FAM168A: variants seen among roughly 807,000 people sequenced by gnomAD.
FAM168A encodes the protein family with sequence similarity 168 member A, also known as protein FAM168A.
FAM168A carries 3 observed loss-of-function variants against 28.5 expected under a neutral mutation model. That is an observed-to-expected ratio of 0.11 (90% confidence interval 0.05 to 0.27). The LOEUF is 0.27. Ranked by LOEUF, FAM168A falls within the 10% of genes least tolerant of loss-of-function variation. The pLI, the probability that FAM168A is intolerant of heterozygous loss-of-function variation, is 1.00. For missense variants in FAM168A, 222 were observed against 311.5 expected (o/e 0.71, Z 2.16); for synonymous variants, 122 against 124.2 (o/e 0.98, Z 0.12).
At position 73,581,468 on chromosome 11, in the gene FAM168A, A is replaced by T. The variant is rs146780135; in HGVS notation, c.-19+16455T>A. On this transcript the variant is annotated intron_variant, in intron 1 of 7. Coordinates refer to ENST00000356467, the MANE Select transcript of FAM168A (RefSeq NM_015159.3). ...ATAGATATGACTGTCCCCACTTTACATGGGAAAAAACTGAGATTCACAGAG... is the reference window on the plus strand; with the variant it reads ...ATAGATATGACTGTCCCCACTTTACTTGGGAAAAAACTGAGATTCACAGAG... Among the ~76,000 whole-genome samples, 330 of 152,336 alleles carry T rather than the reference A, an allele frequency of 2.2e-3. 1 individual carries two copies. The highest frequency in any genetic ancestry group is 0.01 in the South Asian group (50 of 4,834).
At chr11:73,427,445 C>CT (rs1258494110) in intron 3 of FAM168A, among the ~76,000 whole-genome samples, 5 of 152,182 alleles carry the variant, frequency 3.3e-5, no homozygotes, top group Non-Finnish European at 7.3e-5. Context: ...CTCCTCCTAT[C>CT]TGCACTCCTT....
intron 1 of FAM168A, among the ~76,000 whole-genome samples, chr11:73,580,971 G>T (rs1195727332): frequency 6.6e-6 from 1 of 152,238 alleles, no homozygotes; most frequent in Non-Finnish European, 1.5e-5. Context: ...GGACTTTCCA[G>T]TGATGCCACT....
At chr11:73,483,196 TA>T (rs1383441554) in intron 1 of FAM168A, among the ~76,000 whole-genome samples, 11 of 152,166 alleles carry the variant, frequency 7.2e-5, no homozygotes, top group African/African-American at 2.4e-5. Context: ...GTAAACACGA[TA>T]AATTGTGGTT....
chr11:73,570,128 T>A (rs1276686272), intron 1 of FAM168A, among the ~76,000 whole-genome samples: 1 of 152,236 alleles, frequency 6.6e-6, no homozygotes, highest in Non-Finnish European at 1.5e-5. Flanking sequence ...AAGCTGTTTC[T>A]GAGAAAATAT....
chr11:73,546,642 G>A (rs1389808998), intron 1 of FAM168A, among the ~76,000 whole-genome samples: 1 of 151,064 alleles, frequency 6.6e-6, no homozygotes, highest in Non-Finnish European at 1.5e-5. Flanking sequence ...TGAGGCAGGA[G>A]AATTGCTTGA....
chr11:73,410,952 C>T (rs1412242684), intron 5 of FAM168A, among the ~76,000 whole-genome samples: 1 of 152,206 alleles, frequency 6.6e-6, no homozygotes, highest in African/African-American at 2.4e-5. Flanking sequence ...GGCCTGTGTA[C>T]TTTCCTCCTC....
At chr11:73,552,848 TCGG>T (rs1943845011) in intron 1 of FAM168A, among the ~76,000 whole-genome samples, 2 of 152,026 alleles carry the variant, frequency 1.3e-5, no homozygotes, top group Admixed American at 1.3e-4. Context: ...TCCCAGCTAC[TCGG>T]GAGACTGAGG....
Position 73,402,924 on chromosome 11 carries a change from A to C in FAM168A, c.*3839T>G, listed in dbSNP as rs749200461. On this transcript the variant is annotated 3_prime_UTR_variant, in exon 8 of 8. Coordinates refer to ENST00000356467, the MANE Select transcript of FAM168A (RefSeq NM_015159.3). ...CAGAGACTGGGCTTCCCAGCTCTAT[A>C]AAGTACAGTTAGCCCCTCCCTCCAT... 6.6e-6 allele frequency: 1 copy of C among 152,222 alleles called. No individual in the cohort carries two copies. Among genetic ancestry groups the C allele is most frequent in the Non-Finnish European group, 1.5e-5 (1 of 68,074 alleles). 9.4% of individuals were successfully genotyped at this position (152,222 alleles called of 1,614,324 possible).
chr11:73,559,212 G>A (rs1275820566), intron 1 of FAM168A, among the ~76,000 whole-genome samples: 8 of 152,028 alleles, frequency 5.3e-5, no homozygotes, highest in East Asian at 1.9e-4. Flanking sequence ...GTTCGAGACC[G>A]GCCTGGCCAA....
chr11:73,577,409 GTTAT>G (rs2134729599), intron 1 of FAM168A, among the ~76,000 whole-genome samples: 2 of 152,228 alleles, frequency 1.3e-5, no homozygotes, highest in East Asian at 1.9e-4. Flanking sequence ...TTTATCTGTT[GTTAT>G]TTATTTTTGC....
rs568164935 is a variant in FAM168A, at chr11:73,549,842, T to C, written c.-19+48081A>G. 3.9e-4 allele frequency among the ~76,000 whole-genome samples: 60 copies of C among 152,328 alleles called. 1 individual carries two copies. In the South Asian group the frequency reaches 0.012, roughly 32 times the overall value. On this transcript the variant is annotated intron_variant, in intron 1 of 7. Coordinates refer to ENST00000356467, the MANE Select transcript of FAM168A (RefSeq NM_015159.3). ...AGTAGAGCTAATCGGAAAGTCTTTG[T>C]CTAGTCCTTCACCCCAAACCGAAGT...
rs1230842361 is a variant in FAM168A at position 73,484,516 on chromosome 11, A to C, written c.-18-16024T>G. Among the ~76,000 whole-genome samples, 172 of 141,858 alleles carry C rather than the reference A, an allele frequency of 1.2e-3. 1 individual carries two copies. The highest frequency in any genetic ancestry group is 3.6e-3 in the Middle Eastern group (1 of 276). 93.1% of individuals were successfully genotyped at this position (141,858 alleles called of 152,430 possible). A position where few individuals can be genotyped will look rare whatever the true frequency, so the allele number is the denominator to read the frequency against. ...ACTAAGAGGAGAGAGAGATATATAT[A>C]GATATATATATCTATATATCTATAT... On this transcript the variant is annotated intron_variant, in intron 1 of 7. Transcript: ENST00000356467.
intron 3 of FAM168A, among the ~76,000 whole-genome samples, chr11:73,422,088 G>A (rs958344580): frequency 6.6e-6 from 1 of 152,174 alleles, no homozygotes; most frequent in African/African-American, 2.4e-5. Context: ...CGGTGGAAGG[G>A]AACACACGTG....
intron 1 of FAM168A, among the ~76,000 whole-genome samples, chr11:73,481,901 C>T (rs1164020440): frequency 6.6e-6 from 1 of 152,202 alleles, no homozygotes; most frequent in Non-Finnish European, 1.5e-5. Context: ...GGATTAACAT[C>T]CTTATAAAAG....
intron 1 of FAM168A, among the ~76,000 whole-genome samples, chr11:73,527,845 T>C (rs571672927): frequency 6.6e-6 from 1 of 152,148 alleles, no homozygotes; most frequent in Non-Finnish European, 1.5e-5. Flanking sequence ...ACAGGCTCTT[T>C]CAGCTCCTAC....
intron 1 of FAM168A, among the ~76,000 whole-genome samples, chr11:73,597,530 C>A (rs148721774): frequency 1.6e-4 from 24 of 152,088 alleles, no homozygotes; most frequent in South Asian, 1.2e-3. Context: ...AAGCTGTCAA[C>A]TGCTCCAGGC....
intron 1 of FAM168A, among the ~76,000 whole-genome samples, chr11:73,526,454 G>T (rs12269810): frequency 6.6e-6 from 1 of 152,076 alleles, no homozygotes; most frequent in Non-Finnish European, 1.5e-5. Flanking sequence ...CCTTTGACTC[G>T]ATAGGTGTCT....
intron 1 of FAM168A, among the ~76,000 whole-genome samples, chr11:73,582,965 G>A (rs1047712111): frequency 3.9e-5 from 6 of 152,158 alleles, no homozygotes; most frequent in African/African-American, 1.4e-4. Flanking sequence ...ACAACACAAC[G>A]GGCAGGGAGC....
intron 1 of FAM168A, among the ~76,000 whole-genome samples, chr11:73,487,608 T>C (rs1406276786): frequency 1.3e-5 from 2 of 152,176 alleles, no homozygotes; most frequent in Admixed American, 6.5e-5. Flanking sequence ...TTATAATGCA[T>C]TGCCCTCTCA....
Sources: allele counts gnomAD v4.1 joint callset (sites outside exome capture counted in the v4.1 genomes callset), GRCh38; gene constraint gnomAD v4.1.1; transcripts MANE v1.5; gene names NCBI Gene and HGNC (gene_info 2026-07-23, HGNC 2026-07-21).